RANBP2: variants seen among roughly 807,000 people sequenced by gnomAD.
RANBP2 encodes RAN binding protein 2.
Under a neutral mutation model 303.6 loss-of-function variants are expected in RANBP2, and 57 were observed. The ratio of observed to expected loss-of-function variants is 0.19; its 90% CI spans 0.15 to 0.23. RANBP2 has a LOEUF of 0.23. RANBP2 is among the 10% of genes least tolerant of loss of function. The pLI, the probability that RANBP2 is intolerant of heterozygous loss-of-function variation, is 1.00. For missense variants in RANBP2, 3,138 were observed against 3,780.8 expected (o/e 0.83, Z 4.46); for synonymous variants, 1,167 against 1,301.5 (o/e 0.90, Z 2.23).
chr2:109,703,851 C>T, the RANBP2 span, among the ~76,000 whole-genome samples: 1 of 152,228 alleles, frequency 6.6e-6, no homozygotes, highest in African/African-American at 2.4e-5. Flanking sequence ...AAACGTCCTC[C>T]CTCTGCCCAA....
chr2:108,763,381 T>G lies in RANBP2; in HGVS notation c.2842T>G (p.Ser948Ala). ...MYGPPALRFESPATGILSPRG... is the reference protein window; with the variant it reads ...MYGPPALRFEAPATGILSPRG... ...TGGTCCTCCTGCATTGCGTTTTGAG[T>G]CTCCTGCAACGGGAATTCTATCGCC... is the stretch of plus-strand genomic sequence containing the variant. The change falls in exon 20 of 29, where the codon TCT becomes GCT. Residue 948 changes from serine (S) to alanine (A), a missense_variant. By Grantham distance (99) the Ser-to-Ala change is moderately conservative. Coordinates refer to ENST00000283195, the MANE Select transcript of RANBP2 (RefSeq NM_006267.5). 6.2e-7 allele frequency: 1 copy of G among 1,613,882 alleles called. No homozygotes were observed. The highest frequency in any genetic ancestry group is 8.5e-7 in the Non-Finnish European group (1 of 1,179,954).
At chr2:109,563,587 C>T in the RANBP2 span, among the ~76,000 whole-genome samples, 1 of 152,208 alleles carries the variant, frequency 6.6e-6, no homozygotes, top group African/African-American at 2.4e-5. Context: ...GTCTGGGATA[C>T]AGCACCATAT....
In RANBP2 at chr2:108,766,254, A is replaced by G. The variant is rs1258019678; in HGVS notation, c.5715A>G (p.Pro1905=). 6.2e-7 allele frequency: 1 copy of G among 1,612,212 alleles called. No homozygotes were observed. The highest frequency in any genetic ancestry group is 2.2e-5 in the East Asian group (1 of 44,874). ...ADGFKFGISE[P]GNQEKKSEKP... The stretch of plus-strand genomic sequence containing the variant: ...GATTTAAATTTGGCATTTCGGAACC[A>G]GGAAATCAAGAAAAGAAAAGTGAAA... Residue 1905 remains proline, a synonymous_variant, in exon 20 of 29, where the codon CCA becomes CCG. Coordinates refer to ENST00000283195, the MANE Select transcript of RANBP2 (RefSeq NM_006267.5).
chr2:109,433,778 G>A, the RANBP2 span, among the ~76,000 whole-genome samples: 2 of 152,334 alleles, frequency 1.3e-5, no homozygotes, highest in East Asian at 3.9e-4. Context: ...AAGCCTGAAA[G>A]GTCTGCAGGC....
In RANBP2 at chr2:108,736,190, T is replaced by A. The variant is rs1468991408; in HGVS notation, c.723T>A (p.Asn241Lys). The A allele has an allele frequency of 6.2e-7, 1 of 1,611,860 alleles. No homozygotes were observed. Among genetic ancestry groups the A allele is most frequent in the Non-Finnish European group, 8.5e-7 (1 of 1,179,844 alleles). Residue 241 changes from asparagine (N) to lysine (K), a missense_variant, in exon 6 of 29, where the codon AAT becomes AAA. Around this residue, in one of 20 missense-constraint regions of RANBP2, gnomAD observed 306 missense variants for 381.9 expected, o/e 0.80. Transcript: ENST00000283195. ...TNTDLLLAYA[N>K]LMLLTLSTRD... ...CAGACTTACTGCTGGCCTATGCTAA[T>A]CTTATGCTTCTTACGCTTTCCACTA... is the stretch of plus-strand genomic sequence containing the variant.
At chr2:109,659,458 A>G in the RANBP2 span, among the ~76,000 whole-genome samples, 1 of 152,132 alleles carries the variant, frequency 6.6e-6, no homozygotes, top group African/African-American at 2.4e-5. Context: ...TCTCAATTGG[A>G]GCCCTGTCTT....
the RANBP2 span, among the ~76,000 whole-genome samples, chr2:109,450,669 T>A: frequency 6.6e-6 from 1 of 152,216 alleles, no homozygotes; most frequent in Non-Finnish European, 1.5e-5. Flanking sequence ...GTATTTTTTT[T>A]TTACGTGAAG....
At chr2:108,842,208 T>G in the RANBP2 span, among the ~76,000 whole-genome samples, 6 of 151,952 alleles carry the variant, frequency 3.9e-5, no homozygotes, top group South Asian at 2.1e-4. Context: ...AAAAGTTTTT[T>G]TTTTTTTTTT....
chr2:109,226,099 A>C, the RANBP2 span, among the ~76,000 whole-genome samples: 11 of 152,220 alleles, frequency 7.2e-5, no homozygotes, highest in Non-Finnish European at 1.3e-4. Context: ...GACTCAGGCT[A>C]AATCACTTGT....
the RANBP2 span, among the ~76,000 whole-genome samples, chr2:109,289,634 A>G: frequency 3.3e-5 from 5 of 152,158 alleles, no homozygotes; most frequent in African/African-American, 7.2e-5. Flanking sequence ...GTGGAAAGCT[A>G]TGTTGGTTTT....
the RANBP2 span, among the ~76,000 whole-genome samples, chr2:109,306,510 C>T: frequency 6.6e-6 from 1 of 152,352 alleles, no homozygotes; most frequent in East Asian, 1.9e-4. Context: ...GGCAGGGCCT[C>T]TTTGTACATC....
chr2:109,707,267 G>T, the RANBP2 span, among the ~76,000 whole-genome samples: 2 of 152,184 alleles, frequency 1.3e-5, no homozygotes, highest in East Asian at 3.9e-4. Flanking sequence ...AAACCCTTTA[G>T]AGCCTGTAGC....
the RANBP2 span, among the ~76,000 whole-genome samples, chr2:108,971,620 G>C: frequency 6.6e-6 from 1 of 152,188 alleles, no homozygotes; most frequent in African/African-American, 2.4e-5. Flanking sequence ...AAGGGTATTA[G>C]AGATAGGATC....
chr2:108,878,016 T>A, the RANBP2 span, among the ~76,000 whole-genome samples: 1 of 152,228 alleles, frequency 6.6e-6, no homozygotes, highest in Non-Finnish European at 1.5e-5. Flanking sequence ...GACAATGGAA[T>A]GACAGCTTCA....
chr2:109,044,032 G>A, the RANBP2 span, among the ~76,000 whole-genome samples: 6 of 152,214 alleles, frequency 3.9e-5, no homozygotes, highest in East Asian at 7.7e-4. Flanking sequence ...CAGGTTGCCT[G>A]ATTAATAAAA....
chr2:108,921,377 G>A, the RANBP2 span, among the ~76,000 whole-genome samples: 1 of 152,178 alleles, frequency 6.6e-6, no homozygotes, highest in African/African-American at 2.4e-5. Context: ...ACGGTGGTTT[G>A]CGTAATCCAC....
chr2:109,564,161 G>C, the RANBP2 span: 1 of 422,016 alleles, frequency 2.4e-6, no homozygotes, highest in Admixed American at 4.4e-5. Context: ...TTTTGAGTCA[G>C]ACAAGGACTT....
At chr2:108,874,252 A>G in the RANBP2 span, among the ~76,000 whole-genome samples, 1 of 152,160 alleles carries the variant, frequency 6.6e-6, no homozygotes, top group Non-Finnish European at 1.5e-5. Context: ...GAGATTTGAA[A>G]TTACTTTGGT....
chr2:109,547,675 A>G, the RANBP2 span, among the ~76,000 whole-genome samples: 1 of 152,198 alleles, frequency 6.6e-6, no homozygotes, highest in African/African-American at 2.4e-5. Context: ...CATAGAAGGC[A>G]TATTTCTCAA....
Sources: allele counts gnomAD v4.1 joint callset (sites outside exome capture counted in the v4.1 genomes callset), GRCh38; gene constraint gnomAD v4.1.1; regional missense constraint gnomAD v4.1.1; transcripts MANE v1.5; gene names NCBI Gene and HGNC (gene_info 2026-07-23, HGNC 2026-07-21).